MUC3A: variants seen among roughly 807,000 people sequenced by gnomAD.
MUC3A encodes mucin 3A, cell surface associated, also known as mucin-3A.
MUC3A carries 109 observed loss-of-function variants against 109.0 expected under a neutral mutation model. The ratio of observed to expected loss-of-function variants is 1.00; its 90% CI spans 0.86 to 1.17. The LOEUF (loss-of-function observed/expected upper bound fraction) is 1.17. MUC3A is among the 50% of genes most tolerant of loss of function. The probability of loss-of-function intolerance (pLI) is 0.00; values close to 1 mark genes in which losing one functional copy is unlikely to be tolerated. For missense variants in MUC3A, 3,537 were observed against 2,469.4 expected, an observed-to-expected ratio of 1.43 and a Z score of -9.16; for synonymous variants, 1,398 against 981.4, an observed-to-expected ratio of 1.42 and a Z score of -7.93.
At chr7:100,962,369 G>A (rs1297869819) in intron 3 of MUC3A, among the ~76,000 whole-genome samples, 3 of 152,190 alleles carry the variant, frequency 2.0e-5, no homozygotes, top group Non-Finnish European at 4.4e-5. Flanking sequence ...AGTGAGCTAT[G>A]ATCCCCCTAT....
Position 100,959,403 on chromosome 7 carries a change from G to A in MUC3A, c.7624G>A (p.Gly2542Ser), listed in dbSNP as rs2116196759. The change falls in exon 2 of 12, where the codon GGC becomes AGC. Residue 2542 changes from glycine to serine, a missense_variant. Gly to Ser is a moderately conservative substitution (Grantham distance 56). Transcript: ENST00000379458. ...AAGTACAGAAACCTCATCCCTTGTG[G>A]GCACCACCTCTCCCACCATGTCCAC... ...IQSTETSSLV[G>S]TTSPTMSTVR... The A allele has an allele frequency of 2.0e-6, 3 of 1,536,870 alleles. No homozygotes were observed. Among genetic ancestry groups the A allele is most frequent in the East Asian group, 2.2e-5 (1 of 44,594 alleles).
In MUC3A at chr7:100,966,537, T is replaced by A. The variant is rs1461785702; in HGVS notation, c.9763T>A (p.Trp3255Arg). 7.3e-7 allele frequency: 1 copy of A among 1,360,634 alleles called. No individual in the cohort carries two copies. Among genetic ancestry groups the A allele is most frequent in the African/African-American group, 1.5e-5 (1 of 65,330 alleles). 84.3% of individuals were successfully genotyped at this position (1,360,634 alleles called of 1,614,324 possible). A position where few individuals can be genotyped will look rare whatever the true frequency, so the allele number is the denominator to read the frequency against. ...CGTCCGGGCGGTGCGCTCCGGATGG[T>A]GGGGCGGCCAGCGCCGAGGCCGGTG... ...LGVRAVRSGW[W>R]GGQRRGRSWD... Residue 3255 changes from tryptophan to arginine, a missense_variant, in exon 9 of 12, where the codon TGG becomes AGG. Physicochemically the swap from Trp to Arg is moderately radical, Grantham distance 101. Transcript: ENST00000379458.
rs1242539290 is a variant in MUC3A, at chr7:100,959,392, C to T, written c.7613C>T (p.Ser2538Leu). ...SSPSIQSTET[S>L]SLVGTTSPTM... is the part of the protein sequence containing the mutation. ...CCCTCCATCCAAAGTACAGAAACCTCATCCCTTGTGGGCACCACCTCTCCC... is the reference window on the plus strand; with the variant it reads ...CCCTCCATCCAAAGTACAGAAACCTTATCCCTTGTGGGCACCACCTCTCCC... The change falls in exon 2 of 12, where the codon TCA becomes TTA. Residue 2538 changes from serine to leucine, a missense_variant. Transcript: ENST00000379458. 6.5e-7 allele frequency: 1 copy of T among 1,536,956 alleles called. No homozygotes were observed. The highest frequency in any genetic ancestry group is 1.3e-5 in the South Asian group (1 of 78,610).
intron 3 of MUC3A, among the ~76,000 whole-genome samples, chr7:100,962,504 A>T (rs1180355760): frequency 1.3e-5 from 2 of 152,310 alleles, no homozygotes; most frequent in Non-Finnish European, 2.9e-5. Flanking sequence ...GCATAGTCAC[A>T]GTTCTGGGGA....
intron 8 of MUC3A, 68 bp from the exon 9 acceptor site, chr7:100,966,318 G>T: frequency 8.1e-7 from 1 of 1,228,856 alleles, no homozygotes; most frequent in Non-Finnish European, 1.0e-6. Context: ...CGCCCCCGCG[G>T]GGCCCAGGTG....
At position 100,963,286 on chromosome 7, in the gene MUC3A, G is replaced by GTTTTTT; in HGVS notation, c.9168+20_9168+21insTTTTTT. ...AATCAGGTAAAGGGCAAAGAGAGGG[G>GTTTTTT]ATTTTTTTTTTTTTTTTGAGGTGTA... is the stretch of plus-strand genomic sequence containing the variant. On this transcript the variant is annotated intron_variant, in intron 4 of 11. Coordinates refer to ENST00000379458, the MANE Select transcript of MUC3A (RefSeq NM_005960.2). 13 of 1,493,930 alleles carry GTTTTTT rather than the reference G, an allele frequency of 8.7e-6. No individual in the cohort carries two copies. The highest frequency in any genetic ancestry group is 1.2e-5 in the South Asian group (1 of 82,096). The allele number at this position is 1,493,930 out of a possible 1,614,324, so 92.5% of individuals were successfully genotyped here. A position where few individuals can be genotyped will look rare whatever the true frequency, so the allele number is the denominator to read the frequency against.
At position 100,952,878 on chromosome 7, in the gene MUC3A, C is replaced by T; in HGVS notation, c.1099C>T (p.Leu367Phe). The change falls in exon 2 of 12, where the codon CTC becomes TTC. Residue 367 changes from leucine (L) to phenylalanine (F), a missense_variant. By Grantham distance (22) the Leu-to-Phe change is conservative. Coordinates refer to ENST00000379458, the MANE Select transcript of MUC3A (RefSeq NM_005960.2). ...MTGTLSTETS[L>F]PPTSSSLPTT... Reference sequence around the variant, plus strand: ...AGGTACATTGTCCACAGAGACTTCTCTCCCACCCACCTCTTCCTCTCTCCC... The same window carrying T: ...AGGTACATTGTCCACAGAGACTTCTTTCCCACCCACCTCTTCCTCTCTCCC... The T allele has an allele frequency of 1.9e-6, 3 of 1,555,118 alleles. No homozygotes were observed. The highest frequency in any genetic ancestry group is 2.6e-6 in the Non-Finnish European group (3 of 1,157,696).
At position 100,965,576 on chromosome 7, in the gene MUC3A, G is replaced by T. The variant is rs1023679103; in HGVS notation, c.9449-128G>T. 44 of 1,485,504 alleles carry T rather than the reference G, an allele frequency of 3.0e-5. No homozygotes were observed. In the African/African-American group the frequency reaches 4.3e-4, roughly 15 times the overall value. The allele number at this position is 1,485,504 out of a possible 1,614,324, so 92.0% of individuals were successfully genotyped here. A position where few individuals can be genotyped will look rare whatever the true frequency, so the allele number is the denominator to read the frequency against. ...TGGCCTCCCCTCATCGAATCCCAGGGTCTACCCCACAGCATCCCACCTCGG... is the reference window on the plus strand; with the variant it reads ...TGGCCTCCCCTCATCGAATCCCAGGTTCTACCCCACAGCATCCCACCTCGG... On this transcript the variant is annotated intron_variant, in intron 7 of 11. Transcript: ENST00000379458.
intron 7 of MUC3A, 83 bp downstream of exon 7, chr7:100,965,430 G>C: frequency 1.3e-6 from 2 of 1,547,756 alleles, no homozygotes; most frequent in Non-Finnish European, 1.7e-6. Flanking sequence ...AAGCCTGTGG[G>C]CAGGGAGAGA....
chr7:100,967,985 T>TCA lies in MUC3A; in HGVS notation c.*823_*824insCA, dbSNP rs1584816751. 7.5e-6 allele frequency: 1 copy of TCA among 133,548 alleles called. No individual in the cohort carries two copies. Among genetic ancestry groups the TCA allele is most frequent in the East Asian group, 2.2e-4 (1 of 4,466 alleles). 8.3% of individuals were successfully genotyped at this position (133,548 alleles called of 1,614,324 possible). ...CCCCTGACCTAAATACCCCAGCTGC[T>TCA]GTTCCCCCCATCACCCTGCTGCCCA... On this transcript the variant is annotated 3_prime_UTR_variant, in exon 12 of 12. Transcript: ENST00000379458.
intron 3 of MUC3A, among the ~76,000 whole-genome samples, chr7:100,962,393 G>T (rs1451320048): frequency 6.6e-6 from 1 of 152,304 alleles, no homozygotes; most frequent in Non-Finnish European, 1.5e-5. Context: ...ACTTCAGCCT[G>T]GATGACAGAA....
Position 100,967,688 on chromosome 7 carries a change from C to A in MUC3A, c.*526C>A. 4.7e-6 allele frequency: 1 copy of A among 212,444 alleles called. No individual in the cohort carries two copies. Among genetic ancestry groups the A allele is most frequent in the South Asian group, 8.3e-5 (1 of 11,990 alleles). 13.2% of individuals were successfully genotyped at this position (212,444 alleles called of 1,614,324 possible). ...TCTCCTGCCCTCTCCTGATCTAACTCCCTGCTGCATCTCTTGCTCTCATTC... is the reference window on the plus strand; with the variant it reads ...TCTCCTGCCCTCTCCTGATCTAACTACCTGCTGCATCTCTTGCTCTCATTC... On this transcript the variant is annotated 3_prime_UTR_variant, in exon 12 of 12. Transcript: ENST00000379458.
At chr7:100,964,159 A>G in intron 5 of MUC3A, 1 of 324,606 alleles carries the variant, frequency 3.1e-6, no homozygotes, top group Non-Finnish European at 5.8e-6. Context: ...ACGTCAGGCC[A>G]GATGTGGTGG....
At position 100,958,795 on chromosome 7, in the gene MUC3A, GCA is replaced by G. The variant is rs1792190673; in HGVS notation, c.7017_7018del (p.Ser2340LeufsTer43). On this transcript the variant is annotated frameshift_variant, in exon 2 of 12. Transcript: ENST00000379458. LOFTEE classifies it high-confidence loss of function. ...ACCGAGACCACCTCACACAATACTCGCAGCTTCACTTCTTCGATCACCACCAC... is the reference window on the plus strand; with the variant it reads ...ACCGAGACCACCTCACACAATACTCGGCTTCACTTCTTCGATCACCACCAC... The G allele has an allele frequency of 5.0e-6, 3 of 604,256 alleles. No individual in the cohort carries two copies. The African/African-American group carries it at 1.9e-4, about 38-fold the overall frequency. The allele number at this position is 604,256 out of a possible 1,614,324, so 37.4% of individuals were successfully genotyped here. A position where few individuals can be genotyped will look rare whatever the true frequency, so the allele number is the denominator to read the frequency against.
At chr7:100,964,626 C>A (rs1792459055) in intron 5 of MUC3A, 69 bp from the exon 6 acceptor site, 1 of 1,539,126 alleles carries the variant, frequency 6.5e-7, no homozygotes, top group Non-Finnish European at 8.7e-7. Context: ...TGGGTTGCTT[C>A]TGGAGGTGCC....
At position 100,959,714 on chromosome 7, in the gene MUC3A, T is replaced by TC. The variant is rs367827794; in HGVS notation, c.7938dup (p.Ser2647LeufsTer11). On this transcript the variant is annotated frameshift_variant, in exon 2 of 12. Coordinates refer to ENST00000379458, the MANE Select transcript of MUC3A (RefSeq NM_005960.2). LOFTEE classifies it high-confidence loss of function. ...CCACCCTTCAAACAACTCCTTCTAC[T>TC]CCCTCATTGCAAACTTCACTCACAT... The TC allele has an allele frequency of 6.3e-7, 1 of 1,597,728 alleles. No homozygotes were observed. The highest frequency in any genetic ancestry group is 8.5e-7 in the Non-Finnish European group (1 of 1,179,356).
At chr7:100,962,710 T>TCC (rs1279013264) in intron 3 of MUC3A, among the ~76,000 whole-genome samples, 23 of 147,364 alleles carry the variant, frequency 1.6e-4, no homozygotes, top group African/African-American at 2.3e-4. Flanking sequence ...TTCTCTTTCT[T>TCC]TTCTTTCCTT....
At chr7:100,964,059 A>G (rs1792435834) in intron 5 of MUC3A, 3 of 567,964 alleles carry the variant, frequency 5.3e-6, no homozygotes. Flanking sequence ...GTGGGTCAGC[A>G]TTAGAAAGAG....
At position 100,956,407 on chromosome 7, in the gene MUC3A, C is replaced by A. The variant is rs997226528; in HGVS notation, c.4628C>A (p.Thr1543Asn). The change falls in exon 2 of 12, where the codon ACC becomes AAC. Residue 1543 changes from threonine to asparagine, a missense_variant. Transcript: ENST00000379458. ...ATCTACTCCACAGCCAGCACACCCA[C>A]CACTGCCATCACCTCAGTTCCCACT... is the stretch of plus-strand genomic sequence containing the variant. ...STIYSTASTPTTAITSVPTTL... is the reference protein window; with the variant it reads ...STIYSTASTPNTAITSVPTTL... 3.1e-6 allele frequency: 2 copies of A among 650,648 alleles called. No homozygotes were observed. Among genetic ancestry groups the A allele is most frequent in the Non-Finnish European group, 5.5e-6 (2 of 362,324 alleles). 40.3% of individuals were successfully genotyped at this position (650,648 alleles called of 1,614,324 possible).
Sources: allele counts gnomAD v4.1 joint callset (sites outside exome capture counted in the v4.1 genomes callset), GRCh38; gene constraint gnomAD v4.1.1; transcripts MANE v1.5; gene names NCBI Gene and HGNC (gene_info 2026-07-23, HGNC 2026-07-21).